Variants in NTN4 observed in about 807,000 individuals in gnomAD.
NTN4 encodes netrin-4.
A neutral mutation model predicts 73.6 loss-of-function variants in NTN4; 32 were observed. That is an observed-to-expected ratio of 0.44 (90% CI 0.33 to 0.58). The LOEUF is 0.58. Ranked by LOEUF, NTN4 falls within the 20% of genes least tolerant of loss-of-function variation. NTN4 has a pLI of 0.04. For synonymous variants in NTN4, 258 were observed against 287.5 expected, an observed-to-expected ratio of 0.90 and a Z score of 1.04; for missense variants, 654 against 798.3, an observed-to-expected ratio of 0.82 and a Z score of 2.18.
Position 95,737,954 on chromosome 12 carries a change from T to C in NTN4, c.776A>G (p.Lys259Arg). Residue 259 changes from lysine (K) to arginine (R), a missense_variant, in exon 3 of 10, where the codon AAG becomes AGG. By Grantham distance (26) the Lys-to-Arg change is conservative. Transcript: ENST00000343702. Reference protein sequence around the residue: ...THYAIYDFIVKGSCFCNGHAD... With the variant: ...THYAIYDFIVRGSCFCNGHAD... ...GTGGCCATTGCAGAAGCAGCTGCCC[T>C]TGACAATGAAATCATAGATTGCATA... 6.2e-7 allele frequency: 1 copy of C among 1,614,104 alleles called. No homozygotes were observed. The highest frequency in any genetic ancestry group is 1.1e-5 in the South Asian group (1 of 91,082).
At position 95,746,593 on chromosome 12, in the gene NTN4, G is replaced by A. The variant is rs191432619; in HGVS notation, c.586-8449C>T. Among the ~76,000 whole-genome samples the A allele has an allele frequency of 4.8e-4, 73 of 152,318 alleles. 1 individual carries two copies. Among genetic ancestry groups the A allele is most frequent in the South Asian group, 2.5e-3 (12 of 4,824 alleles). On this transcript the variant is annotated intron_variant, in intron 2 of 9. Coordinates refer to ENST00000343702, the MANE Select transcript of NTN4 (RefSeq NM_021229.4). Reference sequence around the variant, plus strand: ...GGCCTCAGGTAGTTTTCTTGCATATGTGTTGAACAGTTCTCAGCTGGAGAC... The same window carrying A: ...GGCCTCAGGTAGTTTTCTTGCATATATGTTGAACAGTTCTCAGCTGGAGAC...
At chr12:95,748,083 T>C (rs1378694376) in intron 2 of NTN4, among the ~76,000 whole-genome samples, 1 of 151,346 alleles carries the variant, frequency 6.6e-6, no homozygotes, top group Admixed American at 6.6e-5. Flanking sequence ...TACGAAACAT[T>C]AGCTAGGCAT....
chr12:95,764,431 G>A (rs7314539), intron 2 of NTN4, among the ~76,000 whole-genome samples: 84,684 of 151,540 alleles, frequency 0.56, 23,878 homozygotes, highest in East Asian at 0.68. Context: ...TTGGGAGGCC[G>A]AGGCCAGCGG....
At chr12:95,732,098 T>C (rs1364462314) in intron 3 of NTN4, among the ~76,000 whole-genome samples, 1 of 152,228 alleles carries the variant, frequency 6.6e-6, no homozygotes, top group Non-Finnish European at 1.5e-5. Flanking sequence ...ATGCATGTTT[T>C]ACCATATGAA....
At chr12:95,712,464 C>T (rs2121089682) in intron 4 of NTN4, among the ~76,000 whole-genome samples, 1 of 152,330 alleles carries the variant, frequency 6.6e-6, no homozygotes, top group African/African-American at 2.4e-5. Flanking sequence ...GTTTCCTGAT[C>T]TCTATAATGG....
At chr12:95,686,630 C>T (rs144605321) in intron 5 of NTN4, among the ~76,000 whole-genome samples, 103 of 151,906 alleles carry the variant, frequency 6.8e-4, no homozygotes, top group African/African-American at 1.9e-3. Context: ...TGATGGTGCA[C>T]GCCTGTAGTC....
chr12:95,734,633 C>T (rs1022437999), intron 3 of NTN4, among the ~76,000 whole-genome samples: 1 of 152,164 alleles, frequency 6.6e-6, no homozygotes, highest in Non-Finnish European at 1.5e-5. Context: ...AAATAAATGG[C>T]GTCTAGAGAC....
intron 2 of NTN4, among the ~76,000 whole-genome samples, chr12:95,770,125 C>T: frequency 6.6e-6 from 1 of 152,112 alleles, no homozygotes; most frequent in East Asian, 1.9e-4. Flanking sequence ...TATAGAAGTA[C>T]AGAGTCCTTC....
chr12:95,779,170 G>A (rs1400563591), intron 2 of NTN4, among the ~76,000 whole-genome samples: 1 of 152,088 alleles, frequency 6.6e-6, no homozygotes, highest in Non-Finnish European at 1.5e-5. Flanking sequence ...AAAATAATAA[G>A]AGCTATGTAT....
chr12:95,751,825 T>G (rs193292900), intron 2 of NTN4, among the ~76,000 whole-genome samples: 5,674 of 91,794 alleles, frequency 0.062, 650 homozygotes, highest in Admixed American at 0.23. Context: ...GTTATGGGTA[T>G]TGACAGCCAG....
At chr12:95,780,134 T>G (rs2079121821) in intron 2 of NTN4, among the ~76,000 whole-genome samples, 2 of 151,984 alleles carry the variant, frequency 1.3e-5, no homozygotes, top group African/African-American at 4.8e-5. Flanking sequence ...CCTTACACCT[T>G]ATACAAACAT....
intron 7 of NTN4, chr12:95,670,364 T>A: frequency 2.6e-6 from 1 of 381,966 alleles, no homozygotes; most frequent in East Asian, 4.1e-5. Context: ...CCAAGAGAAA[T>A]ACAGAAGGTA....
chr12:95,700,807 T>C (rs2078479191), intron 5 of NTN4, among the ~76,000 whole-genome samples: 1 of 130,580 alleles, frequency 7.7e-6, no homozygotes, highest in Non-Finnish European at 1.6e-5. Context: ...TTTTTCTTTC[T>C]TTCTTTCTTT....
Position 95,713,338 on chromosome 12 carries a change from C to A in NTN4, c.865G>T (p.Val289Phe). 1 of 1,586,498 alleles carries A rather than the reference C, an allele frequency of 6.3e-7. No homozygotes were observed. Among genetic ancestry groups the A allele is most frequent in the Non-Finnish European group, 8.6e-7 (1 of 1,159,324 alleles). The change falls in exon 4 of 10, where the codon GTC becomes TTC. Residue 289 changes from valine (V) to phenylalanine (F), a missense_variant and splice_region_variant. Physicochemically the swap from Val to Phe is conservative, Grantham distance 50. Transcript: ENST00000343702. The stretch of plus-strand genomic sequence containing the variant: ...TGCTTACACATACACTTCCCATGGA[C>A]CTACAAGCAACATCAAGTGAGAACT... ...PVKAPGTFHM[V>F]HGKCMCKHNT...
intron 3 of NTN4, among the ~76,000 whole-genome samples, chr12:95,733,963 G>C (rs1413199787): frequency 6.6e-6 from 1 of 151,604 alleles, no homozygotes; most frequent in Admixed American, 6.6e-5. Context: ...CTAGCTCCTT[G>C]GGAGGCTGAG....
intron 5 of NTN4, among the ~76,000 whole-genome samples, chr12:95,698,551 T>C (rs2078458841): frequency 6.6e-6 from 1 of 152,204 alleles, no homozygotes; most frequent in African/African-American, 2.4e-5. Flanking sequence ...TTATTATCCA[T>C]CAATTTGTAA....
chr12:95,701,406 G>C (rs1043477910), intron 5 of NTN4, among the ~76,000 whole-genome samples: 1 of 151,954 alleles, frequency 6.6e-6, no homozygotes, highest in Non-Finnish European at 1.5e-5. Context: ...TAAATGCACT[G>C]TCCTTTCAAA....
intron 5 of NTN4, among the ~76,000 whole-genome samples, chr12:95,701,590 T>A (rs190235262): frequency 1.3e-5 from 2 of 152,262 alleles, no homozygotes; most frequent in Non-Finnish European, 2.9e-5. Context: ...AAAGAGGAAG[T>A]GAGAACAGGG....
chr12:95,670,988 G>T (rs34187599), intron 7 of NTN4: 1 of 138,828 alleles, frequency 7.2e-6, no homozygotes, highest in African/African-American at 2.7e-5. Flanking sequence ...ATGTATGTAT[G>T]TATATATTTA....
Sources: allele counts gnomAD v4.1 joint callset (sites outside exome capture counted in the v4.1 genomes callset), GRCh38; gene constraint gnomAD v4.1.1; transcripts MANE v1.5; gene names NCBI Gene and HGNC (gene_info 2026-07-23, HGNC 2026-07-21).